ACP5: variants seen among roughly 807,000 people sequenced by gnomAD.
The protein encoded by ACP5 is tartrate-resistant acid phosphatase type 5.
A neutral mutation model predicts 28.7 loss-of-function variants in ACP5; 24 were observed. The ratio of observed to expected loss-of-function variants is 0.84; its 90% CI spans 0.61 to 1.18. The LOEUF is 1.18. ACP5 is among the 50% of genes most tolerant of loss of function. ACP5 has a pLI of 0.00. For synonymous variants in ACP5, 154 were observed against 181.4 expected (o/e 0.85, Z 1.21); for missense variants, 354 against 422.2 (o/e 0.84, Z 1.42).
chr19:11,575,687 G>A (rs985835587), intron 4 of ACP5: 13 of 230,878 alleles, frequency 5.6e-5, no homozygotes, highest in Middle Eastern at 1.7e-3. Context: ...GTGAAACCCC[G>A]TCTCTACTAA....
intron 2 of ACP5, 68 bp downstream of exon 2, chr19:11,576,989 T>A (rs1234067308): frequency 6.2e-7 from 1 of 1,610,208 alleles, no homozygotes; most frequent in South Asian, 1.1e-5. Context: ...CAAAGGAAGG[T>A]CACTAGGTAA....
At position 11,577,047 on chromosome 19, in the gene ACP5, G is replaced by C; in HGVS notation, c.261+10C>G. On this transcript the variant is annotated intron_variant, in intron 2 of 4. Transcript: ENST00000648477. This position sits in a 1 kb window ranked among gnomAD's most constrained non-coding sequence, Gnocchi z 5.7. ...CCCCCACCTCCTGCCCCACTCTGTT[G>C]GGCACAGACCTGGAACCTCTTGTCA... 6.2e-7 allele frequency: 1 copy of C among 1,612,970 alleles called. No homozygotes were observed. Among genetic ancestry groups the C allele is most frequent in the Non-Finnish European group, 8.5e-7 (1 of 1,179,060 alleles).
intron 4 of ACP5, 116 bp from the exon 5 acceptor site, chr19:11,575,368 C>G (rs1050506262): frequency 1.2e-5 from 16 of 1,288,176 alleles, no homozygotes; most frequent in Non-Finnish European, 1.7e-5. Flanking sequence ...GTAACCCCTC[C>G]TGGCTTCAAT....
Position 11,574,720 on chromosome 19 carries a change from AG to A in ACP5, c.*289del. 2.1e-6 allele frequency: 1 copy of A among 471,620 alleles called. No individual in the cohort carries two copies. Among genetic ancestry groups the A allele is most frequent in the South Asian group, 2.1e-5 (1 of 48,354 alleles). 29.2% of individuals were successfully genotyped at this position (471,620 alleles called of 1,614,324 possible). A position where few individuals can be genotyped will look rare whatever the true frequency, so the allele number is the denominator to read the frequency against. On this transcript the variant is annotated 3_prime_UTR_variant, in exon 5 of 5. Transcript: ENST00000648477. The stretch of plus-strand genomic sequence containing the variant: ...GTAACAGAAAGATGCTTGATTTAGG[AG>A]GAAGCTTTCCCTCCCTCCCTCCCCC...
At chr19:11,576,111 T>G in intron 4 of ACP5, 132 bp downstream of exon 4, 1 of 679,812 alleles carries the variant, frequency 1.5e-6, no homozygotes, top group Non-Finnish European at 2.5e-6. Context: ...GACAGCAAGA[T>G]TTGAGGGACA....
rs1288884124 is a variant in ACP5 at position 11,576,226 on chromosome 19, A to G, written c.735+17T>C. 6.2e-7 allele frequency: 1 copy of G among 1,600,138 alleles called. No individual in the cohort carries two copies. The highest frequency in any genetic ancestry group is 1.7e-5 in the Admixed American group (1 of 59,806). On this transcript the variant is annotated intron_variant, in intron 4 of 4. Coordinates refer to ENST00000648477, the MANE Select transcript of ACP5 (RefSeq NM_001611.5). ...ACCCCCCTCACCCAGCTCCCACCCC[A>G]CCCACAGGGCCCTCACCTGCAGATT...
In ACP5 at chr19:11,577,026, C is replaced by T. The variant is rs774482395; in HGVS notation, c.261+31G>A. ...GCGGCTTCTCCCCACTGCCCGCCCC[C>T]ACCTCCTGCCCCACTCTGTTGGGCA... On this transcript the variant is annotated intron_variant, in intron 2 of 4. Coordinates refer to ENST00000648477, the MANE Select transcript of ACP5 (RefSeq NM_001611.5). The surrounding 1 kb of genome is among the most constrained non-coding windows in gnomAD (Gnocchi z 5.7). 9 of 1,613,980 alleles carry T rather than the reference C, an allele frequency of 5.6e-6. 1 individual carries two copies. The South Asian group carries it at 7.7e-5, about 14-fold the overall frequency.
In ACP5 at chr19:11,575,100, C is replaced by T. The variant is rs778409873; in HGVS notation, c.888G>A (p.Glu296=). Residue 296 remains glutamate, a synonymous_variant, in exon 5 of 5, where the codon GAG becomes GAA. Transcript: ENST00000648477. ...TGACAGTCATCTCTTTGGAGCTGATCTCCACATAGGCAAAGCCACCCAGTG... is the reference window on the plus strand; with the variant it reads ...TGACAGTCATCTCTTTGGAGCTGATTTCCACATAGGCAAAGCCACCCAGTG... ...EDSLGGFAYV[E]ISSKEMTVTY... is the part of the protein sequence containing the mutation. 1.2e-6 allele frequency: 2 copies of T among 1,614,234 alleles called. No homozygotes were observed. The highest frequency in any genetic ancestry group is 2.2e-5 in the South Asian group (2 of 91,088).
chr19:11,577,037 C>T lies in ACP5; in HGVS notation c.261+20G>A. The T allele has an allele frequency of 6.2e-7, 1 of 1,614,086 alleles. No individual in the cohort carries two copies. The highest frequency in any genetic ancestry group is 1.1e-5 in the South Asian group (1 of 91,062). ...CCACTGCCCGCCCCCACCTCCTGCC[C>T]CACTCTGTTGGGCACAGACCTGGAA... On this transcript the variant is annotated intron_variant, in intron 2 of 4. Transcript: ENST00000648477. This position sits in a 1 kb window ranked among gnomAD's most constrained non-coding sequence, Gnocchi z 5.7.
rs780116316 is a variant in ACP5, at chr19:11,577,182, G to A, written c.136C>T (p.Arg46Trp). The A allele has an allele frequency of 1.4e-5, 22 of 1,614,016 alleles. No individual in the cohort carries two copies. The highest frequency in any genetic ancestry group is 6.7e-5 in the East Asian group (3 of 44,882). ...GVPNAPFHTA[R>W]EMANAKEIAR... ...ATCTCCTTGGCATTGGCCATTTCCC[G>A]GGCCGTGTGGAATGGGGCATTGGGG... The change falls in exon 2 of 5, where the codon CGG (arginine) becomes TGG (tryptophan). Residue 46 changes from arginine (R) to tryptophan (W), a missense_variant. Physicochemically the swap from Arg to Trp is moderately radical, Grantham distance 101. Coordinates refer to ENST00000648477, the MANE Select transcript of ACP5 (RefSeq NM_001611.5). The surrounding 1 kb of genome is among the most constrained non-coding windows in gnomAD (Gnocchi z 5.7).
In ACP5 at chr19:11,577,493, C is replaced by G. The variant is rs1973217053; in HGVS notation, c.-1+100G>C. ...AGCTGCACAAGGCTGCACAAGCTGG[C>G]TTAGGGAAGGGGGGCGCGGTCTGTG... On this transcript the variant is annotated intron_variant, in intron 1 of 4. Coordinates refer to ENST00000648477, the MANE Select transcript of ACP5 (RefSeq NM_001611.5). This position sits in a 1 kb window ranked among gnomAD's most constrained non-coding sequence, Gnocchi z 5.7. 3.9e-6 allele frequency: 3 copies of G among 762,568 alleles called. No homozygotes were observed. Among genetic ancestry groups the G allele is most frequent in the South Asian group, 3.2e-5 (2 of 62,192 alleles). The allele number at this position is 762,568 out of a possible 1,614,324, so 47.2% of individuals were successfully genotyped here.
chr19:11,576,013 AAAAAAAAAAAAGAGCTTAAAAAAGAAAG>A (rs1973129316), intron 4 of ACP5, among the ~76,000 whole-genome samples: 3 of 151,156 alleles, frequency 2.0e-5, no homozygotes. Flanking sequence ...CTCCAAAAAA[AAAAAAAAAAAAGAGCTTAAAAAAGAAAG>A]AAAGAAAGAA....
intron 2 of ACP5, 22 bp from the exon 3 acceptor site, chr19:11,576,865 G>A: frequency 6.2e-7 from 1 of 1,614,046 alleles, no homozygotes; most frequent in Non-Finnish European, 8.5e-7. Flanking sequence ...AGATAGGGCA[G>A]GCCTCTTCCC....
intron 4 of ACP5, among the ~76,000 whole-genome samples, chr19:11,575,891 C>T (rs1301905497): frequency 6.7e-6 from 1 of 149,422 alleles, no homozygotes; most frequent in Non-Finnish European, 1.5e-5. Context: ...GTAGTGTCAG[C>T]TACTCTGGAG....
In ACP5 at chr19:11,576,831, C is replaced by G; in HGVS notation, c.274G>C (p.Asp92His). The change falls in exon 3 of 5, where the codon GAC becomes CAC. Residue 92 changes from aspartate to histidine, a missense_variant. By Grantham distance (81) the Asp-to-His change is moderately conservative. Transcript: ENST00000648477. ...CGAAGGGAGCGGTCAGAGAATACGTCCTCAAAGGTCTCCTGTAGCAAACAG... is the reference window on the plus strand; with the variant it reads ...CGAAGGGAGCGGTCAGAGAATACGTGCTCAAAGGTCTCCTGTAGCAAACAG... ...NDKRFQETFE[D>H]VFSDRSLRKV... 6.2e-7 allele frequency: 1 copy of G among 1,614,100 alleles called. No homozygotes were observed. Among genetic ancestry groups the G allele is most frequent in the Non-Finnish European group, 8.5e-7 (1 of 1,180,024 alleles).
At chr19:11,575,461 T>G (rs1973099353) in intron 4 of ACP5, 1 of 613,234 alleles carries the variant, frequency 1.6e-6, no homozygotes, top group East Asian at 3.0e-5. Context: ...TGGTGGCTCA[T>G]GCCTGTAATC....
rs1270697125 is a variant in ACP5 at position 11,575,081 on chromosome 19, T to C, written c.907A>G (p.Thr303Ala). ...CCCGAGGCCTCGATGTAAGTGACAG[T>C]CATCTCTTTGGAGCTGATCTCCACA... ...AYVEISSKEMTVTYIEASGKS... is the reference protein window; with the variant it reads ...AYVEISSKEMAVTYIEASGKS... The change falls in exon 5 of 5, where the codon ACT (threonine) becomes GCT (alanine). Residue 303 changes from threonine (T) to alanine (A), a missense_variant. Thr to Ala is a moderately conservative substitution (Grantham distance 58). Coordinates refer to ENST00000648477, the MANE Select transcript of ACP5 (RefSeq NM_001611.5). 1.9e-6 allele frequency: 3 copies of C among 1,614,036 alleles called. No homozygotes were observed. The highest frequency in any genetic ancestry group is 1.7e-5 in the Admixed American group (1 of 59,998).
At position 11,577,126 on chromosome 19, in the gene ACP5, G is replaced by A. The variant is rs766000656; in HGVS notation, c.192C>T (p.Asp64=). 3 of 1,614,030 alleles carry A rather than the reference G, an allele frequency of 1.9e-6. No homozygotes were observed. Among genetic ancestry groups the A allele is most frequent in the Non-Finnish European group, 2.5e-6 (3 of 1,180,030 alleles). ...IARTVQILGA[D]FILSLGDNFY... is the part of the protein sequence containing the mutation. ...AATTGTCCCCTAGAGACAGGATGAA[G>A]TCTGCACCCAGGATCTGCACAGTCC... Residue 64 remains aspartate (D), a synonymous_variant, in exon 2 of 5, where the codon GAC becomes GAT. Coordinates refer to ENST00000648477, the MANE Select transcript of ACP5 (RefSeq NM_001611.5). This position sits in a 1 kb window ranked among gnomAD's most constrained non-coding sequence, Gnocchi z 5.7.
Position 11,577,431 on chromosome 19 carries a change from C to T in ACP5, c.1-114G>A, listed in dbSNP as rs1300293618. Reference sequence around the variant, plus strand: ...GACTGCTTGCTGCAGGCTGCCCCTGCGGGAACCCCTTGGTGCCCTAATTCT... The same window carrying T: ...GACTGCTTGCTGCAGGCTGCCCCTGTGGGAACCCCTTGGTGCCCTAATTCT... On this transcript the variant is annotated intron_variant, in intron 1 of 4. Transcript: ENST00000648477. This position sits in a 1 kb window ranked among gnomAD's most constrained non-coding sequence, Gnocchi z 5.7. The T allele has an allele frequency of 2.2e-5, 27 of 1,237,374 alleles. 1 individual carries two copies. Among genetic ancestry groups the T allele is most frequent in the Middle Eastern group, 2.5e-4 (1 of 3,958 alleles). The allele number at this position is 1,237,374 out of a possible 1,614,324, so 76.6% of individuals were successfully genotyped here. A position where few individuals can be genotyped will look rare whatever the true frequency, so the allele number is the denominator to read the frequency against.
Sources: gnomAD v4.1 joint callset for allele counts (sites outside exome capture counted in the v4.1 genomes callset) on GRCh38, gnomAD v4.1.1 for gene constraint, Gnocchi (gnomAD v3.1) non-coding constraint, MANE v1.5 for transcripts, NCBI Gene and HGNC (gene_info 2026-07-23, HGNC 2026-07-21) for gene names.